The following PARD6G variants were observed in gnomAD, a reference collection of about 807,000 sequenced individuals.
The protein encoded by PARD6G is partitioning defective 6 homolog gamma.
PARD6G carries 7 observed loss-of-function variants against 10.7 expected under a neutral mutation model. The ratio of observed to expected loss-of-function variants is 0.66; its 90% CI spans 0.37 to 1.23. The LOEUF is 1.23. Among genes scored for constraint, PARD6G ranks in the 50% most tolerant of loss-of-function variants. The pLI is 0.02. For missense variants in PARD6G, 548 were observed against 571.8 expected (o/e 0.96, Z 0.42); for synonymous variants, 287 against 269.4 (o/e 1.07, Z -0.64).
rs1332138691 is a variant in PARD6G, at chr18:80,247,467, G to A, written c.-119C>T. On this transcript the variant is annotated 5_prime_UTR_variant, in exon 1 of 3. Transcript: ENST00000353265. The surrounding 1 kb of genome is among the most constrained non-coding windows in gnomAD (Gnocchi z 4.2). ...CCCGGCCCGCGCTCGCTTGGCCGGC[G>A]GGCTGCTCCCGGTGCTGCGGGCCCG... 4 of 587,592 alleles carry A rather than the reference G, an allele frequency of 6.8e-6. No homozygotes were observed. Among genetic ancestry groups the A allele is most frequent in the East Asian group, 1.3e-4 (2 of 15,310 alleles). The allele number at this position is 587,592 out of a possible 1,614,324, so 36.4% of individuals were successfully genotyped here.
intron 1 of PARD6G, among the ~76,000 whole-genome samples, chr18:80,206,896 G>A (rs1275140078): frequency 4.9e-5 from 7 of 144,284 alleles, no homozygotes; most frequent in African/African-American, 7.9e-5. Flanking sequence ...AATACTTAAC[G>A]TAAATGAAAG....
intron 1 of PARD6G, among the ~76,000 whole-genome samples, chr18:80,236,766 A>G (rs113508790): frequency 0.025 from 3,879 of 152,312 alleles, 159 homozygotes; most frequent in African/African-American, 0.089. Flanking sequence ...AAAGACAATA[A>G]AACACCTAGG....
intron 1 of PARD6G, among the ~76,000 whole-genome samples, chr18:80,224,425 T>A (rs896724146): frequency 6.6e-6 from 1 of 152,234 alleles, no homozygotes; most frequent in Non-Finnish European, 1.5e-5. Context: ...CAGTATGTTC[T>A]GGACAAACCT....
chr18:80,175,436 G>A lies in PARD6G; in HGVS notation c.296-14830C>T, dbSNP rs910522850. On this transcript the variant is annotated intron_variant, in intron 2 of 2. Coordinates refer to ENST00000353265, the MANE Select transcript of PARD6G (RefSeq NM_032510.4). This position sits in a 1 kb window ranked among gnomAD's most constrained non-coding sequence, Gnocchi z 6.7. ...TGTATCCCCACGTGGCAGGGAGACC[G>A]AGATCTCTGGTGCCTCCTCCTCTGC... 5.3e-5 allele frequency among the ~76,000 whole-genome samples: 8 copies of A among 152,172 alleles called. No homozygotes were observed. The highest frequency in any genetic ancestry group is 1.2e-4 in the African/African-American group (5 of 41,436).
At chr18:80,204,139 G>A (rs914174598) in intron 1 of PARD6G, among the ~76,000 whole-genome samples, 12 of 152,064 alleles carry the variant, frequency 7.9e-5, no homozygotes, top group African/African-American at 2.9e-4. Context: ...TTCCTCACTC[G>A]GCAATTCGGG....
At chr18:80,214,784 G>C (rs1002815394) in intron 1 of PARD6G, among the ~76,000 whole-genome samples, 7 of 152,004 alleles carry the variant, frequency 4.6e-5, no homozygotes, top group Non-Finnish European at 1.0e-4. Flanking sequence ...AGGCAGAAAG[G>C]CTATTTGGAA....
chr18:80,212,738 G>T (rs1178964543), intron 1 of PARD6G, among the ~76,000 whole-genome samples: 3 of 152,124 alleles, frequency 2.0e-5, no homozygotes, highest in Admixed American at 1.3e-4. Flanking sequence ...TACAAAAATT[G>T]GCCGGGTATG....
chr18:80,202,839 A>C lies in PARD6G; in HGVS notation c.166T>G (p.Ser56Ala), dbSNP rs1347757403. 6.2e-7 allele frequency: 1 copy of C among 1,610,772 alleles called. No individual in the cohort carries two copies. Among genetic ancestry groups the C allele is most frequent in the Non-Finnish European group, 8.5e-7 (1 of 1,178,298 alleles). The change falls in exon 2 of 3, where the codon TCC (serine) becomes GCC (alanine). Residue 56 changes from serine to alanine, a missense_variant. By Grantham distance (99) the Ser-to-Ala change is moderately conservative. Coordinates refer to ENST00000353265, the MANE Select transcript of PARD6G (RefSeq NM_032510.4). The part of the protein sequence containing the change: ...YKLVVHTHHI[S>A]NSDVTIGYAD... ...TAGCCAATAGTTACATCACTGTTGG[A>C]GATATGGTGGGTGTGCACAACCAGC... is the stretch of plus-strand genomic sequence containing the variant.
chr18:80,227,210 C>T (rs1479342380), intron 1 of PARD6G, among the ~76,000 whole-genome samples: 7 of 152,236 alleles, frequency 4.6e-5, no homozygotes, highest in African/African-American at 1.4e-4. Flanking sequence ...GATCCTCCTG[C>T]CTCAGCCTCC....
chr18:80,228,571 C>G lies in PARD6G; in HGVS notation c.72+18706G>C, dbSNP rs1453573392. On this transcript the variant is annotated intron_variant, in intron 1 of 2. Coordinates refer to ENST00000353265, the MANE Select transcript of PARD6G (RefSeq NM_032510.4). This position sits in a 1 kb window ranked among gnomAD's most constrained non-coding sequence, Gnocchi z 4.6. ...CCAGACACCACAGGGTCTTGGCCCC[C>G]AGGCCCACAGACTGCATCTCCTAAG... is the stretch of plus-strand genomic sequence containing the variant. Among the ~76,000 whole-genome samples, 3 of 151,740 alleles carry G rather than the reference C, an allele frequency of 2.0e-5. No homozygotes were observed. In the South Asian group the frequency reaches 6.3e-4, roughly 32 times the overall value.
chr18:80,160,471 G>T lies in PARD6G; in HGVS notation c.431C>A (p.Ser144Ter). 6.4e-7 allele frequency: 1 copy of T among 1,565,290 alleles called. No individual in the cohort carries two copies. Among genetic ancestry groups the T allele is most frequent in the Non-Finnish European group, 8.7e-7 (1 of 1,155,154 alleles). The change falls in exon 3 of 3, where the codon TCA becomes TAA. Residue 144 changes from serine (S) to a stop codon, truncating the protein, a stop_gained. Transcript: ENST00000353265. LOFTEE classifies it low-confidence loss of function (END_TRUNC). ...IGLPRDFRPV[S>*]SIIDVDLVPE... ...GACCAGGTCCACATCGATGATGGAT[G>T]ATACGGGGCGGAAGTCGCGCGGGAG...
intron 1 of PARD6G, among the ~76,000 whole-genome samples, chr18:80,243,531 G>C (rs532542242): frequency 6.6e-6 from 1 of 152,152 alleles, no homozygotes; most frequent in Non-Finnish European, 1.5e-5. Context: ...CACTGTGTTA[G>C]CTTAGAATCC....
At chr18:80,243,121 T>A (rs1967507615) in intron 1 of PARD6G, among the ~76,000 whole-genome samples, 1 of 152,180 alleles carries the variant, frequency 6.6e-6, no homozygotes, top group African/African-American at 2.4e-5. Flanking sequence ...TTACATATTT[T>A]ATATGTGTAT....
intron 2 of PARD6G, chr18:80,169,985 A>C (rs1219549300): frequency 6.6e-6 from 1 of 152,234 alleles, no homozygotes. Flanking sequence ...ATCAGGACAC[A>C]CCACGTCGGA....
rs925616219 is a variant in PARD6G, at chr18:80,180,740, G to A, written c.296-20134C>T. On this transcript the variant is annotated intron_variant, in intron 2 of 2. Transcript: ENST00000353265. The surrounding 1 kb of genome is among the most constrained non-coding windows in gnomAD (Gnocchi z 5.6). ...TACAAGCTTTGTCAGGGGGCCGGAC[G>A]TCCACCTGCAGGCCCAGCCCTTCCT... Among the ~76,000 whole-genome samples, 11 of 152,104 alleles carry A rather than the reference G, an allele frequency of 7.2e-5. No individual in the cohort carries two copies. Among genetic ancestry groups the A allele is most frequent in the African/African-American group, 2.2e-4 (9 of 41,400 alleles).
chr18:80,169,438 C>T (rs1599845366), intron 2 of PARD6G: 1 of 152,422 alleles, frequency 6.6e-6, no homozygotes, highest in Admixed American at 6.5e-5. Flanking sequence ...GGGGAACCCT[C>T]TGCCTCAAGG....
intron 1 of PARD6G, among the ~76,000 whole-genome samples, chr18:80,233,644 T>C (rs9949023): frequency 0.22 from 32,851 of 151,916 alleles, 5,143 homozygotes; most frequent in African/African-American, 0.44. Flanking sequence ...GAACAGCTGA[T>C]CACCTAAAAA....
At chr18:80,166,297 C>T (rs891528342) in intron 2 of PARD6G, among the ~76,000 whole-genome samples, 1 of 150,866 alleles carries the variant, frequency 6.6e-6, no homozygotes, top group Non-Finnish European at 1.5e-5. Flanking sequence ...TCCTCTCTGC[C>T]GCACCCCAAG....
At chr18:80,177,216 G>GTGCACA (rs1555734807) in intron 2 of PARD6G, among the ~76,000 whole-genome samples, 3 of 48,134 alleles carry the variant, frequency 6.2e-5, no homozygotes, top group Admixed American at 5.6e-4. Flanking sequence ...TAAATGGGAA[G>GTGCACA]CGCACACACA....
Sources: gnomAD v4.1 joint callset for allele counts (sites outside exome capture counted in the v4.1 genomes callset) on GRCh38, gnomAD v4.1.1 for gene constraint, Gnocchi (gnomAD v3.1) non-coding constraint, MANE v1.5 for transcripts, NCBI Gene and HGNC (gene_info 2026-07-23, HGNC 2026-07-21) for gene names.